The following DNAH6 variants were observed in gnomAD, a reference collection of about 807,000 sequenced individuals.
DNAH6 encodes the protein dynein axonemal heavy chain 6.
A neutral mutation model predicts 491.4 loss-of-function variants in DNAH6; 340 were observed. The ratio of observed to expected loss-of-function variants is 0.69; its 90% confidence interval spans 0.63 to 0.76. The LOEUF (loss-of-function observed/expected upper bound fraction) is 0.76, where lower values mean the gene tolerates loss of function less well. DNAH6 is among the 30% of genes least tolerant of loss of function. DNAH6 has a pLI of 0.00. For synonymous variants in DNAH6, 1,603 were observed against 1,686.1 expected, an observed-to-expected ratio of 0.95 and a Z score of 1.21; for missense variants, 4,443 against 4,972.2, an observed-to-expected ratio of 0.89 and a Z score of 3.20.
chr2:84,536,292 G>A (rs761879619), intron 4 of DNAH6, among the ~76,000 whole-genome samples: 1 of 152,124 alleles, frequency 6.6e-6, no homozygotes, highest in African/African-American at 2.4e-5. Context: ...ACACACCTGG[G>A]TTACTTAATT....
At chr2:84,728,159 C>A (rs545920668) in intron 61 of DNAH6, among the ~76,000 whole-genome samples, 1 of 152,300 alleles carries the variant, frequency 6.6e-6, no homozygotes, top group South Asian at 2.1e-4. Context: ...GTAAGATGTG[C>A]CTTTTGCCTT....
At chr2:84,747,664 G>C (rs549326711) in intron 63 of DNAH6, among the ~76,000 whole-genome samples, 2 of 152,300 alleles carry the variant, frequency 1.3e-5, no homozygotes, top group African/African-American at 4.8e-5. Context: ...CCCTGGTGGG[G>C]ACTCTGTGTG....
chr2:84,549,857 C>A, intron 8 of DNAH6, 32 bp from the exon 9 acceptor site: 3 of 1,544,820 alleles, frequency 1.9e-6, no homozygotes, highest in South Asian at 1.2e-5. Flanking sequence ...ATATAAGAAA[C>A]CGAAATTGTA....
Position 84,544,441 on chromosome 2 carries a change from T to C in DNAH6, c.871T>C (p.Ser291Pro). Residue 291 changes from serine to proline, a missense_variant, in exon 5 of 77, where the codon TCC (serine) becomes CCC (proline). By Grantham distance (74) the Ser-to-Pro change is moderately conservative. Around this residue, in one of 3 missense-constraint regions of DNAH6, gnomAD observed 2,977 missense variants for 3,296.6 expected, o/e 0.90. Transcript: ENST00000389394. ...AFSVWRKNVR[S>P]KKITGCQKSL... ...TAGTGTATGGAGGAAGAATGTCCGC[T>C]CCAAGAAAATCACTGGATGTCAAAA... 1 of 1,536,808 alleles carries C rather than the reference T, an allele frequency of 6.5e-7. No individual in the cohort carries two copies. Among genetic ancestry groups the C allele is most frequent in the Non-Finnish European group, 8.8e-7 (1 of 1,133,624 alleles).
At chr2:84,803,328 G>C (rs1679102485) in intron 70 of DNAH6, among the ~76,000 whole-genome samples, 1 of 152,114 alleles carries the variant, frequency 6.6e-6, no homozygotes, top group African/African-American at 2.4e-5. Context: ...GAAAAGAGTT[G>C]AAAAACAACC....
chr2:84,726,745 C>T lies in DNAH6; in HGVS notation c.9973-924C>T, dbSNP rs562479744. 2.8e-3 allele frequency among the ~76,000 whole-genome samples: 421 copies of T among 151,854 alleles called. 1 individual carries two copies. Among genetic ancestry groups the T allele is most frequent in the Non-Finnish European group, 4.8e-3 (326 of 67,968 alleles). On this transcript the variant is annotated intron_variant, in intron 60 of 76. Coordinates refer to ENST00000389394, the MANE Select transcript of DNAH6 (RefSeq NM_001370.2). ...ATATGTAACAAACCTGCACATTGTG[C>T]ACATGTACCCTAAAACTTAAAGTAT...
At chr2:84,714,550 G>C (rs188065518) in intron 57 of DNAH6, among the ~76,000 whole-genome samples, 2 of 152,160 alleles carry the variant, frequency 1.3e-5, no homozygotes, top group Admixed American at 1.3e-4. Context: ...TAGTGCAACA[G>C]GGCGACTACA....
intron 71 of DNAH6, among the ~76,000 whole-genome samples, chr2:84,806,809 G>A (rs1282730855): frequency 6.6e-6 from 1 of 152,104 alleles, no homozygotes; most frequent in African/African-American, 2.4e-5. Flanking sequence ...TAAAGCCCCT[G>A]GAAGAAAAGG....
intron 63 of DNAH6, among the ~76,000 whole-genome samples, chr2:84,761,805 C>T (rs1369586118): frequency 6.6e-6 from 1 of 151,738 alleles, no homozygotes; most frequent in Non-Finnish European, 1.5e-5. Flanking sequence ...CACACACACA[C>T]ACACACACAC....
In DNAH6 at chr2:84,583,875, T is replaced by TAGC. The variant is rs1281047882; in HGVS notation, c.2230-115_2230-113dup. On this transcript the variant is annotated intron_variant, in intron 14 of 76. Transcript: ENST00000389394. Reference sequence around the variant, plus strand: ...TACCCAGTCTTAGATATGTCTTTATTAGCAGCAGCAGAACAGACTAATACA... The same window carrying TAGC: ...TACCCAGTCTTAGATATGTCTTTATTAGCAGCAGCAGCAGAACAGACTAATACA... The TAGC allele has an allele frequency of 8.0e-6, 8 of 996,778 alleles. No homozygotes were observed. In the African/African-American group the frequency reaches 1.1e-4, roughly 14 times the overall value. 61.7% of individuals were successfully genotyped at this position (996,778 alleles called of 1,614,324 possible). A position where few individuals can be genotyped will look rare whatever the true frequency, so the allele number is the denominator to read the frequency against.
Position 84,557,907 on chromosome 2 carries a change from A to G in DNAH6, c.1775A>G (p.Asn592Ser). ...SLAAVFEDDK[N>S]FHTIISQIKE... ...GCAGCAGTATTTGAGGATGATAAGA[A>G]TTTTCACACAATTATTTCTCAAATA... is the stretch of plus-strand genomic sequence containing the variant. The change falls in exon 11 of 77, where the codon AAT becomes AGT. Residue 592 changes from asparagine (N) to serine (S), a missense_variant. By Grantham distance (46) the Asn-to-Ser change is conservative. Transcript: ENST00000389394. 6.2e-7 allele frequency: 1 copy of G among 1,610,168 alleles called. No individual in the cohort carries two copies. The highest frequency in any genetic ancestry group is 8.5e-7 in the Non-Finnish European group (1 of 1,177,558).
intron 62 of DNAH6, among the ~76,000 whole-genome samples, chr2:84,738,219 T>C (rs1222298552): frequency 6.6e-6 from 1 of 152,198 alleles, no homozygotes; most frequent in Non-Finnish European, 1.5e-5. Context: ...AGATGCTCAG[T>C]ATGATATTGA....
intron 37 of DNAH6, among the ~76,000 whole-genome samples, chr2:84,665,404 A>C (rs1286594161): frequency 1.3e-5 from 2 of 152,218 alleles, no homozygotes; most frequent in Non-Finnish European, 2.9e-5. Context: ...GCAATAAAAA[A>C]TGATAAAGTG....
At chr2:84,727,563 C>T (rs796135429) in intron 60 of DNAH6, 106 bp from the exon 61 acceptor site, 8 of 680,910 alleles carry the variant, frequency 1.2e-5, no homozygotes, top group Admixed American at 1.0e-4. Context: ...TATTCATCTC[C>T]CATGCTGCCA....
intron 2 of DNAH6, 94 bp downstream of exon 2, chr2:84,518,145 G>A: frequency 1.2e-6 from 1 of 861,168 alleles, no homozygotes; most frequent in Non-Finnish European, 1.8e-6. Flanking sequence ...ACTCTGAACT[G>A]ACAAAGAAGG....
chr2:84,472,517 AAT>A, the DNAH6 span, among the ~76,000 whole-genome samples: 1 of 152,154 alleles, frequency 6.6e-6, no homozygotes, highest in Non-Finnish European at 1.5e-5. Context: ...CAAAAGCAAG[AAT>A]ATGTGTTACA....
intron 42 of DNAH6, among the ~76,000 whole-genome samples, chr2:84,683,447 A>C (rs1282321228): frequency 9.2e-6 from 1 of 108,368 alleles, no homozygotes; most frequent in Admixed American, 1.1e-4. Flanking sequence ...TTTGAGATAG[A>C]GTTTCACTCT....
At chr2:84,705,211 A>G (rs1397870669) in intron 51 of DNAH6, among the ~76,000 whole-genome samples, 1 of 152,190 alleles carries the variant, frequency 6.6e-6, no homozygotes, top group African/African-American at 2.4e-5. Context: ...TTAAAAATAA[A>G]ACTATTGTTT....
chr2:84,768,928 C>T (rs6750190), intron 64 of DNAH6, among the ~76,000 whole-genome samples: 21,084 of 152,174 alleles, frequency 0.14, 1,629 homozygotes, highest in African/African-American at 0.21. Flanking sequence ...TATCTCTACA[C>T]GTGTAAGGAA....
Sources: allele counts gnomAD v4.1 joint callset (sites outside exome capture counted in the v4.1 genomes callset), GRCh38; gene constraint gnomAD v4.1.1; regional missense constraint gnomAD v4.1.1; transcripts MANE v1.5; gene names NCBI Gene and HGNC (gene_info 2026-07-23, HGNC 2026-07-21).